RALB: variants seen among roughly 807,000 people sequenced by gnomAD.
The protein encoded by RALB is ras-related protein Ral-B.
A neutral mutation model predicts 21.3 loss-of-function variants in RALB; 16 were observed. That is an observed-to-expected ratio of 0.75 (90% confidence interval 0.51 to 1.14). RALB has a LOEUF of 1.14. Ranked by LOEUF, RALB falls within the 50% of genes most tolerant of loss-of-function variation. RALB has a pLI of 0.00. For missense variants in RALB, 161 were observed against 256.2 expected (o/e 0.63, Z 2.54); for synonymous variants, 93 against 96.1 (o/e 0.97, Z 0.19).
In RALB at chr2:120,294,202, G is replaced by C; in HGVS notation, c.*942G>C. 1 of 398,484 alleles carries C rather than the reference G, an allele frequency of 2.5e-6. No homozygotes were observed. The highest frequency in any genetic ancestry group is 3.6e-5 in the East Asian group (1 of 28,092). The allele number at this position is 398,484 out of a possible 1,614,324, so 24.7% of individuals were successfully genotyped here. On this transcript the variant is annotated 3_prime_UTR_variant, in exon 5 of 5. Transcript: ENST00000272519. Reference sequence around the variant, plus strand: ...AAGTGTCACACACACTCTTCCCAAAGACGTGATGAGTTAAAGTTGTATTCT... The same window carrying C: ...AAGTGTCACACACACTCTTCCCAAACACGTGATGAGTTAAAGTTGTATTCT...
Position 120,240,113 on chromosome 2 carries a change from C to T in RALB, c.7C>T (p.Gln3Ter), listed in dbSNP as rs746691174. The T allele has an allele frequency of 9.3e-5, 120 of 1,289,564 alleles. No individual in the cohort carries two copies. The highest frequency in any genetic ancestry group is 1.2e-4 in the Non-Finnish European group (116 of 988,868). The allele number at this position is 1,289,564 out of a possible 1,614,324, so 79.9% of individuals were successfully genotyped here. A position where few individuals can be genotyped will look rare whatever the true frequency, so the allele number is the denominator to read the frequency against. The stretch of plus-strand genomic sequence containing the variant: ...GGCAGGAGGAGGTCTCTGCATGAAA[C>T]AGCGGCAGTCAGGTGGGTGCCCGCC... Residue 3 changes from glutamine to a stop codon, truncating the protein, a stop_gained, in exon 1 of 4, where the codon CAG (glutamine) becomes TAG (stop). Coordinates refer to the RALB transcript ENST00000447591. LOFTEE classifies it high-confidence loss of function.
intron 3 of RALB, among the ~76,000 whole-genome samples, chr2:120,287,271 T>C (rs76316712): frequency 0.08 from 12,197 of 152,160 alleles, 652 homozygotes; most frequent in Non-Finnish European, 0.12. Flanking sequence ...TGAAAGATAA[T>C]AGGGAGGTGC....
upstream of RALB, among the ~76,000 whole-genome samples, chr2:120,248,279 G>A (rs1424053107): frequency 6.6e-6 from 1 of 151,984 alleles, no homozygotes; most frequent in Non-Finnish European, 1.5e-5. Context: ...CTAATAATAC[G>A]GTCTATGAAT....
chr2:120,253,377 A>C, intron 1 of RALB: 1 of 985,298 alleles, frequency 1.0e-6, no homozygotes, highest in Non-Finnish European at 1.2e-6. Context: ...TGTTGCAAAA[A>C]CTTAACTGCC....
intron 1 of RALB, among the ~76,000 whole-genome samples, chr2:120,264,141 G>A (rs988539900): frequency 1.3e-5 from 2 of 149,860 alleles, no homozygotes; most frequent in South Asian, 4.2e-4. Context: ...GAGCCACTGC[G>A]CTAGCCTATT....
At chr2:120,249,584 C>A (rs373518305), upstream of RALB, among the ~76,000 whole-genome samples, 6 of 152,006 alleles carry the variant, frequency 3.9e-5, no homozygotes, top group East Asian at 7.8e-4. Context: ...AACAACCAGA[C>A]CTTGTGTGAA....
At chr2:120,254,086 G>A (rs1267771398) in intron 1 of RALB, among the ~76,000 whole-genome samples, 1 of 152,158 alleles carries the variant, frequency 6.6e-6, no homozygotes, top group Non-Finnish European at 1.5e-5. Context: ...GAAATGGGCC[G>A]ACCATGAAAG....
Position 120,293,486 on chromosome 2 carries a change from T to C in RALB, c.*226T>C, listed in dbSNP as rs1281739047. The C allele has an allele frequency of 6.4e-6, 2 of 314,916 alleles. No homozygotes were observed. Among genetic ancestry groups the C allele is most frequent in the East Asian group, 1.3e-4 (2 of 15,270 alleles). The allele number at this position is 314,916 out of a possible 1,614,324, so 19.5% of individuals were successfully genotyped here. A position where few individuals can be genotyped will look rare whatever the true frequency, so the allele number is the denominator to read the frequency against. ...TCAGGAGGTTGTGGAATTTCTTTCT[T>C]CTCCCCTTCTTCCCTCCCAAAAGCT... On this transcript the variant is annotated 3_prime_UTR_variant, in exon 5 of 5. Coordinates refer to ENST00000272519, the MANE Select transcript of RALB (RefSeq NM_002881.3).
chr2:120,252,281 G>C (rs1043750487), upstream of RALB, among the ~76,000 whole-genome samples: 1 of 152,278 alleles, frequency 6.6e-6, no homozygotes, highest in South Asian at 2.1e-4. Context: ...CTTGTAGGCG[G>C]CCTGGGTCCA....
intron 2 of RALB, among the ~76,000 whole-genome samples, chr2:120,284,771 T>C (rs1690085012): frequency 6.6e-6 from 1 of 152,074 alleles, no homozygotes; most frequent in African/African-American, 2.4e-5. Context: ...TACGTATTAG[T>C]AGTCATTCCC....
intron 1 of RALB, chr2:120,253,598 G>A: frequency 1.0e-6 from 1 of 985,532 alleles, no homozygotes; most frequent in Non-Finnish European, 1.2e-6. Flanking sequence ...CCGCCTGTGG[G>A]AGTGTGAGGT....
At chr2:120,261,184 T>C (rs4848583) in intron 1 of RALB, among the ~76,000 whole-genome samples, 106,636 of 152,114 alleles carry the variant, frequency 0.7, 38,052 homozygotes, top group Middle Eastern at 0.8. Flanking sequence ...CACGCATGTG[T>C]GAATCTTTAG....
At chr2:120,269,758 AT>A (rs1400848476) in intron 1 of RALB, among the ~76,000 whole-genome samples, 2 of 152,252 alleles carry the variant, frequency 1.3e-5, no homozygotes, top group Non-Finnish European at 2.9e-5. Context: ...ATTGATGGAA[AT>A]TTTAAAGATT....
At chr2:120,290,459 C>T (rs2104666108) in intron 4 of RALB, among the ~76,000 whole-genome samples, 1 of 152,284 alleles carries the variant, frequency 6.6e-6, no homozygotes, top group East Asian at 1.9e-4. Flanking sequence ...CTAGGAGGTT[C>T]CCCTGGAGGT....
intron 1 of RALB, among the ~76,000 whole-genome samples, chr2:120,260,835 G>A (rs1689348597): frequency 6.6e-6 from 1 of 152,216 alleles, no homozygotes; most frequent in Non-Finnish European, 1.5e-5. Flanking sequence ...GTTTTTATTG[G>A]AGCTAGCTAC....
intron 1 of RALB, among the ~76,000 whole-genome samples, chr2:120,260,846 G>A (rs1017191162): frequency 3.3e-5 from 5 of 152,364 alleles, no homozygotes; most frequent in African/African-American, 1.2e-4. Context: ...AGCTAGCTAC[G>A]TGGAGTTTGT....
Position 120,279,799 on chromosome 2 carries a change from A to G in RALB, c.114+1021A>G, listed in dbSNP as rs115090736. ...AGATTTGCGAAAGAAAGCTATCACA[A>G]CCACGTCAGTTAAGATCACTACCTC... On this transcript the variant is annotated intron_variant, in intron 2 of 4. Transcript: ENST00000272519. 4.0e-3 allele frequency among the ~76,000 whole-genome samples: 606 copies of G among 152,276 alleles called. 5 individuals are homozygous for G. Among genetic ancestry groups the G allele is most frequent in the African/African-American group, 0.014 (571 of 41,556 alleles).
At chr2:120,288,543 T>C (rs973937657) in intron 3 of RALB, among the ~76,000 whole-genome samples, 3 of 152,058 alleles carry the variant, frequency 2.0e-5, no homozygotes, top group Admixed American at 6.5e-5. Flanking sequence ...TACAGATCTC[T>C]ACAAAATACA....
intron 1 of RALB, among the ~76,000 whole-genome samples, chr2:120,244,158 C>A (rs895154225): frequency 8.5e-5 from 13 of 152,196 alleles, no homozygotes; most frequent in South Asian, 4.1e-4. Context: ...ATCATGAGAA[C>A]AGCAAGGGGG....
Sources: gnomAD v4.1 joint callset for allele counts (sites outside exome capture counted in the v4.1 genomes callset) on GRCh38, gnomAD v4.1.1 for gene constraint, MANE v1.5 for transcripts, NCBI Gene and HGNC (gene_info 2026-07-23, HGNC 2026-07-21) for gene names.